EZH1: variants seen among roughly 807,000 people sequenced by gnomAD.
EZH1 encodes enhancer of zeste 1 polycomb repressive complex 2 subunit.
In EZH1, 33 loss-of-function variants were observed where a neutral mutation model predicts 100.5. That is an observed-to-expected ratio of 0.33 (90% confidence interval 0.25 to 0.44). The LOEUF (loss-of-function observed/expected upper bound fraction) is 0.44. EZH1 is among the 20% of genes least tolerant of loss of function. The pLI, the probability that EZH1 is intolerant of heterozygous loss-of-function variation, is 1.00. For synonymous variants in EZH1, 272 were observed against 313.8 expected (o/e 0.87, Z 1.41); for missense variants, 475 against 928.4 (o/e 0.51, Z 6.35).
chr17:42,733,633 T>C (rs1597862789), intron 1 of EZH1, among the ~76,000 whole-genome samples: 3 of 104,902 alleles, frequency 2.9e-5, no homozygotes, highest in African/African-American at 7.9e-5. Flanking sequence ...AGAGCGAGAC[T>C]CCATCTCAAA....
intron 11 of EZH1, 150 bp downstream of exon 11, chr17:42,713,059 G>T (rs879094895): frequency 2.1e-3 from 505 of 236,150 alleles, no homozygotes; most frequent in Non-Finnish European, 3.1e-3. Flanking sequence ...AAAAAAAAAA[G>T]AAAATATTCC....
intron 10 of EZH1, among the ~76,000 whole-genome samples, chr17:42,716,264 T>C (rs2053603148): frequency 6.6e-6 from 1 of 152,190 alleles, no homozygotes; most frequent in Non-Finnish European, 1.5e-5. Flanking sequence ...AGAGAATGTC[T>C]TTATGCTGAA....
chr17:42,702,488 A>T lies in EZH1; in HGVS notation c.*44T>A. The T allele has an allele frequency of 1.3e-6, 2 of 1,506,462 alleles. No individual in the cohort carries two copies. Among genetic ancestry groups the T allele is most frequent in the Non-Finnish European group, 1.8e-6 (2 of 1,109,258 alleles). 93.3% of individuals were successfully genotyped at this position (1,506,462 alleles called of 1,614,324 possible). On this transcript the variant is annotated 3_prime_UTR_variant, in exon 21 of 21. Coordinates refer to ENST00000428826, the MANE Select transcript of EZH1 (RefSeq NM_001991.5). ...AGCAGTGGTGTGAGCACGAAAGCCA[A>T]GACAGTGCCGCTACCATAAGTGCTG...
At chr17:42,729,478 C>T (rs2053893886) in intron 2 of EZH1, among the ~76,000 whole-genome samples, 1 of 151,996 alleles carries the variant, frequency 6.6e-6, no homozygotes, top group Non-Finnish European at 1.5e-5. Flanking sequence ...CCTGTAATCC[C>T]AGCACTTTGG....
intron 5 of EZH1, among the ~76,000 whole-genome samples, chr17:42,723,326 G>A (rs2053752729): frequency 2.0e-5 from 3 of 150,844 alleles, no homozygotes; most frequent in Admixed American, 1.3e-4. Flanking sequence ...AGTAAGCTGA[G>A]ATCGCGCCAC....
rs1758652458 is a variant in EZH1, at chr17:42,712,396, C to T, written c.1294G>A (p.Val432Met). 6.2e-7 allele frequency: 1 copy of T among 1,614,090 alleles called. No individual in the cohort carries two copies. Residue 432 changes from valine (V) to methionine (M), a missense_variant, in exon 12 of 21, where the codon GTG becomes ATG. By Grantham distance (21) the Val-to-Met change is conservative. Transcript: ENST00000428826. ...LCVVEAPSEP[V>M]EWTGAEESLF... ...GATTCTTCAGCCCCAGTCCATTCCA[C>T]AGGCTCCGAGGGTGCTTCCACTACG...
rs1454503299 is a variant in EZH1, at chr17:42,718,548, G to C, written c.837C>G (p.Gly279=). The C allele has an allele frequency of 2.5e-6, 4 of 1,614,208 alleles. No homozygotes were observed. The Admixed American group carries it at 6.7e-5, about 27-fold the overall frequency. ...CCCGCTGCACAGACTTGGCATTGGGGCCATCGATGTTGGGTGTGCACTGAG... is the reference window on the plus strand; with the variant it reads ...CCCGCTGCACAGACTTGGCATTGGGCCCATCGATGTTGGGTGTGCACTGAG... ...LPPQCTPNID[G]PNAKSVQREQ... The change falls in exon 9 of 21, where the codon GGC becomes GGG. Residue 279 remains glycine (G), a synonymous_variant. Coordinates refer to ENST00000428826, the MANE Select transcript of EZH1 (RefSeq NM_001991.5). The surrounding 1 kb of genome is among the most constrained non-coding windows in gnomAD (Gnocchi z 4.2).
intron 4 of EZH1, 40 bp downstream of exon 4, chr17:42,727,595 A>G (rs1186642406): frequency 1.3e-6 from 2 of 1,585,660 alleles, no homozygotes; most frequent in Non-Finnish European, 8.6e-7. Context: ...CTTTAAGCCC[A>G]AGGAAGAGAG....
In EZH1 at chr17:42,728,251, T is replaced by C. The variant is rs541549321; in HGVS notation, c.118-488A>G. Among the ~76,000 whole-genome samples the C allele has an allele frequency of 2.0e-5, 3 of 151,182 alleles. No individual in the cohort carries two copies. In the South Asian group the frequency reaches 6.3e-4, roughly 32 times the overall value. On this transcript the variant is annotated intron_variant, in intron 3 of 20. Transcript: ENST00000428826. Reference sequence around the variant, plus strand: ...GCCTCAGCCTCCCAAGTAGCCGGGATTACAGGCATATGACACCACGCCCGG... The same window carrying C: ...GCCTCAGCCTCCCAAGTAGCCGGGACTACAGGCATATGACACCACGCCCGG...
intron 14 of EZH1, 129 bp downstream of exon 14, chr17:42,708,747 G>C: frequency 1.0e-6 from 1 of 955,000 alleles, no homozygotes; most frequent in Non-Finnish European, 1.7e-6. Context: ...GTTCTCAGTT[G>C]CTGCAGAGAA....
intron 13 of EZH1, chr17:42,709,451 G>C (rs2053430445): frequency 5.4e-6 from 1 of 183,786 alleles, no homozygotes; most frequent in Non-Finnish European, 1.1e-5. Context: ...CTAAGTAAAG[G>C]CTATCATGTA....
chr17:42,730,994 T>A, intron 1 of EZH1, 76 bp from the exon 2 acceptor site: 4 of 608,698 alleles, frequency 6.6e-6, no homozygotes, highest in Non-Finnish European at 8.2e-6. Flanking sequence ...CAGTAGGATT[T>A]TCCCCCAGAA....
chr17:42,744,886 G>A, intron 1 of EZH1, 125 bp downstream of exon 1: 1 of 1,042,408 alleles, frequency 9.6e-7, no homozygotes, highest in Non-Finnish European at 1.2e-6. Flanking sequence ...CGGCCAGGCA[G>A]GCAGTGTGTC....
chr17:42,713,409 G>C lies in EZH1; in HGVS notation c.1024-20C>G, dbSNP rs764689431. 1.3e-6 allele frequency: 2 copies of C among 1,576,552 alleles called. No individual in the cohort carries two copies. Among genetic ancestry groups the C allele is most frequent in the Admixed American group, 3.5e-5 (2 of 57,270 alleles). The stretch of plus-strand genomic sequence containing the variant: ...TCCTTCCTGCAGTGGACACATTACA[G>C]ACAGGAAATAGGAACAGGCCCATCA... On this transcript the variant is annotated intron_variant, in intron 10 of 20. Coordinates refer to ENST00000428826, the MANE Select transcript of EZH1 (RefSeq NM_001991.5).
At chr17:42,708,772 G>A (rs1345296858) in intron 14 of EZH1, 104 bp downstream of exon 14, 2 of 1,244,516 alleles carry the variant, frequency 1.6e-6, no homozygotes, top group Non-Finnish European at 2.4e-6. Context: ...GCAATCTGCG[G>A]AAGTGGCACA....
Position 42,718,290 on chromosome 17 carries a change from A to G in EZH1, c.931+164T>C. On this transcript the variant is annotated intron_variant, in intron 9 of 20. Coordinates refer to ENST00000428826, the MANE Select transcript of EZH1 (RefSeq NM_001991.5). The surrounding 1 kb of genome is among the most constrained non-coding windows in gnomAD (Gnocchi z 4.2). Reference sequence around the variant, plus strand: ...CTAGTTAGTCTGTCCCTATCATGCAAAGCATGTTGCACTATAATTGAGCAA... The same window carrying G: ...CTAGTTAGTCTGTCCCTATCATGCAGAGCATGTTGCACTATAATTGAGCAA... 1.0e-6 allele frequency: 1 copy of G among 976,752 alleles called. No homozygotes were observed. Among genetic ancestry groups the G allele is most frequent in the Non-Finnish European group, 1.5e-6 (1 of 671,036 alleles). 60.5% of individuals were successfully genotyped at this position (976,752 alleles called of 1,614,324 possible).
In EZH1 at chr17:42,712,318, T is replaced by C; in HGVS notation, c.1372A>G (p.Arg458Gly). Reference sequence around the variant, plus strand: ...TTGCACGTCTTGGTCCCCAGAAGCCTGGCTATTGAACAGAAGTTGTTGAAG... The same window carrying C: ...TTGCACGTCTTGGTCCCCAGAAGCCCGGCTATTGAACAGAAGTTGTTGAAG... ...TYFNNFCSIA[R>G]LLGTKTCKQV... is the part of the protein sequence containing the mutation. Residue 458 changes from arginine (R) to glycine (G), a missense_variant, in exon 12 of 21, where the codon AGG becomes GGG. Arg to Gly is a moderately radical substitution (Grantham distance 125). Around this residue, in one of 8 missense-constraint regions of EZH1, gnomAD observed 83 missense variants for 142.1 expected, o/e 0.58. Transcript: ENST00000428826. 3 of 1,614,040 alleles carry C rather than the reference T, an allele frequency of 1.9e-6. No homozygotes were observed. The highest frequency in any genetic ancestry group is 2.5e-6 in the Non-Finnish European group (3 of 1,180,024).
At position 42,708,030 on chromosome 17, in the gene EZH1, G is replaced by C. The variant is rs769056328; in HGVS notation, c.1588C>G (p.Pro530Ala). The C allele has an allele frequency of 1.2e-6, 2 of 1,613,562 alleles. No homozygotes were observed. Among genetic ancestry groups the C allele is most frequent in the Non-Finnish European group, 1.7e-6 (2 of 1,179,862 alleles). The change falls in exon 15 of 21, where the codon CCC (proline) becomes GCC (alanine). Residue 530 changes from proline (P) to alanine (A), a missense_variant. Pro to Ala is a conservative substitution (Grantham distance 27). Coordinates refer to ENST00000428826, the MANE Select transcript of EZH1 (RefSeq NM_001991.5). ...NYQPCDHPDRPCDSTCPCIMT... is the reference protein window; with the variant it reads ...NYQPCDHPDRACDSTCPCIMT... ...ATGCAGGGGCAGGTGCTGTCACAGG[G>C]GCGGTCTGGGTGGTCGCAGGGTTGG... is the stretch of plus-strand genomic sequence containing the variant.
Position 42,708,950 on chromosome 17 carries a change from G to A in EZH1, c.1494-34C>T, listed in dbSNP as rs149366398. On this transcript the variant is annotated intron_variant, in intron 13 of 20. Coordinates refer to ENST00000428826, the MANE Select transcript of EZH1 (RefSeq NM_001991.5). ...GACAGGAAGGACAGGTCTCAGTCAC[G>A]GCCCTAGGGAGCTCTGCAAATGCAG... 3.1e-4 allele frequency: 507 copies of A among 1,613,818 alleles called. 5 individuals carry two copies. The East Asian group carries it at 8.0e-3, about 25-fold the overall frequency.
Sources: allele counts gnomAD v4.1 joint callset (sites outside exome capture counted in the v4.1 genomes callset), GRCh38; gene constraint gnomAD v4.1.1; regional missense constraint gnomAD v4.1.1; non-coding constraint Gnocchi (gnomAD v3.1); transcripts MANE v1.5; gene names NCBI Gene and HGNC (gene_info 2026-07-23, HGNC 2026-07-21).